Variants in VPS13C observed in about 807,000 individuals in gnomAD.
The protein encoded by VPS13C is vacuolar protein sorting 13 homolog C.
VPS13C carries 358 observed loss-of-function variants against 456.8 expected under a neutral mutation model. That is an observed-to-expected ratio of 0.78 (90% CI 0.72 to 0.86). VPS13C has a LOEUF of 0.86. VPS13C is among the 40% of genes least tolerant of loss of function. The pLI is 0.00. For synonymous variants in VPS13C, 1,578 were observed against 1,486.7 expected, an observed-to-expected ratio of 1.06 and a Z score of -1.41; for missense variants, 4,818 against 4,385.4, an observed-to-expected ratio of 1.10 and a Z score of -2.79.
At chr15:61,955,367 CA>C (rs1340523852) in intron 37 of VPS13C, among the ~76,000 whole-genome samples, 2 of 152,150 alleles carry the variant, frequency 1.3e-5, no homozygotes, top group Non-Finnish European at 2.9e-5. Flanking sequence ...CCAAATTCAG[CA>C]GTCTGATTTT....
At chr15:61,919,947 A>T (rs2043595530) in intron 57 of VPS13C, 120 bp downstream of exon 57, 4 of 985,830 alleles carry the variant, frequency 4.1e-6, no homozygotes, top group Non-Finnish European at 5.6e-6. Context: ...GTTAGCAATT[A>T]TATGTTTCAA....
intron 53 of VPS13C, among the ~76,000 whole-genome samples, chr15:61,923,731 T>G (rs1030054269): frequency 6.7e-6 from 1 of 150,090 alleles, no homozygotes; most frequent in Non-Finnish European, 1.5e-5. Context: ...GGATCTAGTA[T>G]GTATTGTTTT....
Position 61,964,870 on chromosome 15 carries a change from GTTTTAAAGAGAAAAT to G in VPS13C, c.3052-24_3052-10del. On this transcript the variant is annotated splice_polypyrimidine_tract_variant and intron_variant, in intron 30 of 84. Coordinates refer to ENST00000644861, the MANE Select transcript of VPS13C (RefSeq NM_020821.3). ...AAAGATGAAAAGGCCACCTAAAAAT[GTTTTAAAGAGAAAAT>G]TAGTTTTCCACAGCCAATTATAACC... 6.3e-7 allele frequency: 1 copy of G among 1,592,330 alleles called. No homozygotes were observed. Among genetic ancestry groups the G allele is most frequent in the Non-Finnish European group, 8.5e-7 (1 of 1,172,790 alleles).
At position 61,911,829 on chromosome 15, in the gene VPS13C, A is replaced by G; in HGVS notation, c.8715+11T>C. 6.3e-7 allele frequency: 1 copy of G among 1,581,052 alleles called. No homozygotes were observed. The highest frequency in any genetic ancestry group is 8.6e-7 in the Non-Finnish European group (1 of 1,163,188). ...ATTTTAGGAATCAGTTGTAACAAAG[A>G]AAAATGCTACCTCTGAAGAAGCAAT... On this transcript the variant is annotated intron_variant, in intron 63 of 84. Coordinates refer to ENST00000644861, the MANE Select transcript of VPS13C (RefSeq NM_020821.3).
intron 59 of VPS13C, 46 bp downstream of exon 59, chr15:61,918,090 C>A: frequency 6.6e-7 from 1 of 1,517,300 alleles, no homozygotes; most frequent in South Asian, 1.3e-5. Context: ...AATATAAATC[C>A]CCAACTCAAT....
chr15:61,892,340 G>A (rs905665487), intron 66 of VPS13C, among the ~76,000 whole-genome samples: 1 of 152,136 alleles, frequency 6.6e-6, no homozygotes, highest in Admixed American at 6.6e-5. Flanking sequence ...CTACATAGCT[G>A]GGATATCCCC....
chr15:61,929,843 T>A, intron 50 of VPS13C, 95 bp from the exon 51 acceptor site: 1 of 1,235,072 alleles, frequency 8.1e-7, no homozygotes, highest in Non-Finnish European at 1.1e-6. Context: ...TTATTTCACC[T>A]TTCAGTTTCT....
intron 1 of VPS13C, among the ~76,000 whole-genome samples, chr15:62,055,674 A>G (rs1049621587): frequency 2.0e-5 from 3 of 152,170 alleles, no homozygotes; most frequent in Non-Finnish European, 4.4e-5. Context: ...AAGATCATCC[A>G]AGCAAAGATT....
intron 45 of VPS13C, among the ~76,000 whole-genome samples, chr15:61,942,350 T>C (rs944479348): frequency 2.0e-5 from 3 of 151,558 alleles, no homozygotes; most frequent in African/African-American, 4.8e-5. Context: ...ATTCTCATGA[T>C]AAATTTTTGC....
chr15:61,917,749 C>A, intron 59 of VPS13C, 114 bp from the exon 60 acceptor site: 2 of 1,158,174 alleles, frequency 1.7e-6, no homozygotes, highest in Non-Finnish European at 2.3e-6. Context: ...CCTGTTTTTA[C>A]AGATATACAG....
Position 62,008,660 on chromosome 15 carries a change from T to C in VPS13C, c.1113A>G (p.Arg371=). 1 of 1,597,620 alleles carries C rather than the reference T, an allele frequency of 6.3e-7. No homozygotes were observed. The highest frequency in any genetic ancestry group is 8.5e-7 in the Non-Finnish European group (1 of 1,171,946). The part of the protein sequence containing the change: ...KPYLPLHTNG[R]RWWKYAIDSV... ...AAAAACAAATTCTAACTTACCATCG[T>C]CGACCATTGGTATGAAGTGGTAAAT... The change falls in exon 14 of 85, where the codon CGA becomes CGG. Residue 371 remains arginine, a synonymous_variant. Transcript: ENST00000644861.
chr15:62,003,757 T>C (rs1277598093), intron 15 of VPS13C, among the ~76,000 whole-genome samples: 1 of 151,976 alleles, frequency 6.6e-6, no homozygotes, highest in African/African-American at 2.4e-5. Flanking sequence ...CAAAGGCCTT[T>C]TCTGCATCTA....
intron 16 of VPS13C, among the ~76,000 whole-genome samples, chr15:61,997,118 A>C (rs1407338623): frequency 6.6e-6 from 1 of 152,110 alleles, no homozygotes; most frequent in Non-Finnish European, 1.5e-5. Flanking sequence ...GGCTAAAAAT[A>C]TCCCATATTT....
rs776116830 is a variant in VPS13C at position 62,010,588 on chromosome 15, T to C, written c.895A>G (p.Ile299Val). ...ATGTAGAGTTTTGCAGAGGCTGATA[T>C]TGGCTGGAAAACTTACATCACATGG... ...PPNYQYIFQPISASAKLYMNP... is the reference protein window; with the variant it reads ...PPNYQYIFQPVSASAKLYMNP... The change falls in exon 13 of 85, where the codon ATA becomes GTA. Residue 299 changes from isoleucine to valine, a missense_variant. This residue lies in a region of VPS13C where 4,552 missense variants were observed against 4,130.6 expected (regional missense o/e 1.10). Coordinates refer to ENST00000644861, the MANE Select transcript of VPS13C (RefSeq NM_020821.3). 35 of 1,610,702 alleles carry C rather than the reference T, an allele frequency of 2.2e-5. No individual in the cohort carries two copies. The highest frequency in any genetic ancestry group is 1.3e-4 in the East Asian group (6 of 44,708).
At chr15:61,936,869 T>A in intron 47 of VPS13C, 119 bp from the exon 48 acceptor site, 1 of 1,065,054 alleles carries the variant, frequency 9.4e-7, no homozygotes, top group South Asian at 1.7e-5. Context: ...AGAAGAGAGT[T>A]AGAGTTAGGA....
chr15:61,918,306 A>C, intron 58 of VPS13C, 49 bp from the exon 59 acceptor site: 1 of 1,457,060 alleles, frequency 6.9e-7, no homozygotes, highest in South Asian at 1.4e-5. Flanking sequence ...TGTAAGTTCG[A>C]AAGAAAAAAT....
At chr15:61,887,570 A>C (rs1046655152) in intron 67 of VPS13C, among the ~76,000 whole-genome samples, 1 of 152,172 alleles carries the variant, frequency 6.6e-6, no homozygotes, top group Admixed American at 6.5e-5. Context: ...ACGTGCCTGT[A>C]GTCCCAGATA....
chr15:61,875,437 T>C (rs570760332), intron 76 of VPS13C, among the ~76,000 whole-genome samples: 1 of 152,154 alleles, frequency 6.6e-6, no homozygotes, highest in East Asian at 1.9e-4. Flanking sequence ...CAGTGCCCTA[T>C]TAGTCCCTTC....
intron 23 of VPS13C, among the ~76,000 whole-genome samples, chr15:61,978,129 T>C (rs2045764982): frequency 6.6e-6 from 1 of 152,100 alleles, no homozygotes; most frequent in South Asian, 2.1e-4. Flanking sequence ...TTAATTATCT[T>C]TAATATATTA....
Sources: gnomAD v4.1 joint callset for allele counts (sites outside exome capture counted in the v4.1 genomes callset) on GRCh38, gnomAD v4.1.1 for gene constraint, gnomAD v4.1.1 regional missense constraint, MANE v1.5 for transcripts, NCBI Gene and HGNC (gene_info 2026-07-23, HGNC 2026-07-21) for gene names.